IKZF3: variants seen among roughly 807,000 people sequenced by gnomAD.
IKZF3 encodes the protein IKAROS family zinc finger 3.
IKZF3 carries 10 observed loss-of-function variants against 49.0 expected under a neutral mutation model. The ratio of observed to expected loss-of-function variants is 0.20; its 90% CI spans 0.13 to 0.35. The LOEUF is 0.35. Among genes scored for constraint, IKZF3 ranks in the 10% least tolerant of loss-of-function variants. The pLI is 1.00. For synonymous variants in IKZF3, 209 were observed against 228.2 expected, an observed-to-expected ratio of 0.92 and a Z score of 0.76; for missense variants, 498 against 664.8, an observed-to-expected ratio of 0.75 and a Z score of 2.76.
chr17:39,816,938 T>C (rs1330667851), intron 3 of IKZF3, among the ~76,000 whole-genome samples: 1 of 152,214 alleles, frequency 6.6e-6, no homozygotes, highest in Non-Finnish European at 1.5e-5. Context: ...GGCCTTGAAC[T>C]CCTAACCTCA....
chr17:39,838,041 T>G (rs2062353650), intron 1 of IKZF3, among the ~76,000 whole-genome samples: 2 of 152,224 alleles, frequency 1.3e-5, no homozygotes, highest in Non-Finnish European at 2.9e-5. Context: ...AAGATTTTTC[T>G]CTTTACTTTT....
chr17:39,821,925 A>G (rs150888652), intron 3 of IKZF3, among the ~76,000 whole-genome samples: 7 of 152,308 alleles, frequency 4.6e-5, no homozygotes, highest in African/African-American at 1.7e-4. Flanking sequence ...TAGGGGCAGT[A>G]TCTTGGCTTT....
intron 7 of IKZF3, among the ~76,000 whole-genome samples, chr17:39,769,450 C>T (rs2060380669): frequency 6.6e-6 from 1 of 152,186 alleles, no homozygotes; most frequent in Non-Finnish European, 1.5e-5. Context: ...AACGAAAATA[C>T]CCTGTCTTGG....
intron 1 of IKZF3, among the ~76,000 whole-genome samples, chr17:39,850,124 T>C (rs537041552): frequency 2.1e-5 from 3 of 143,208 alleles, no homozygotes; most frequent in South Asian, 4.2e-4. Context: ...ATACTATATG[T>C]ATATATACTA....
At chr17:39,836,025 T>C (rs2062268693) in intron 1 of IKZF3, 1 of 640,750 alleles carries the variant, frequency 1.6e-6, no homozygotes. Context: ...TGTCTTCTGC[T>C]GCCGCAGGAG....
chr17:39,825,356 G>C (rs2061929128), intron 3 of IKZF3, among the ~76,000 whole-genome samples: 2 of 152,196 alleles, frequency 1.3e-5, no homozygotes, highest in South Asian at 4.1e-4. Flanking sequence ...TGGTTATTAT[G>C]TGCTATGCAA....
intron 7 of IKZF3, among the ~76,000 whole-genome samples, chr17:39,769,455 T>C (rs960671922): frequency 6.6e-6 from 1 of 152,192 alleles, no homozygotes; most frequent in Non-Finnish European, 1.5e-5. Flanking sequence ...AAATACCCTG[T>C]CTTGGAAACT....
chr17:39,792,736 C>T lies in IKZF3; in HGVS notation c.361G>A (p.Asp121Asn), dbSNP rs1321349840. The T allele has an allele frequency of 4.3e-6, 7 of 1,614,016 alleles. No homozygotes were observed. Among genetic ancestry groups the T allele is most frequent in the Non-Finnish European group, 5.9e-6 (7 of 1,179,988 alleles). ...SRPTSGKMNC[D>N]VCGLSCISFN... The stretch of plus-strand genomic sequence containing the variant: ...CTGATGCAGGATAATCCACACACAT[C>T]GCAGTTCATCTTTCCACTGGTTGGC... Residue 121 changes from aspartate to asparagine, a missense_variant, in exon 4 of 8, where the codon GAT becomes AAT. Physicochemically the swap from Asp to Asn is conservative, Grantham distance 23 (BLOSUM62 1). Coordinates refer to ENST00000346872, the MANE Select transcript of IKZF3 (RefSeq NM_012481.5).
At chr17:39,804,468 G>T (rs2061391824) in intron 3 of IKZF3, among the ~76,000 whole-genome samples, 2 of 151,320 alleles carry the variant, frequency 1.3e-5, no homozygotes, top group Admixed American at 1.3e-4. Flanking sequence ...AAAAGAAATT[G>T]AATGAATGAA....
At chr17:39,848,520 T>C (rs1335455613) in intron 1 of IKZF3, among the ~76,000 whole-genome samples, 1 of 152,224 alleles carries the variant, frequency 6.6e-6, no homozygotes, top group Non-Finnish European at 1.5e-5. Flanking sequence ...AGACTTGTTT[T>C]ATAACTGTAA....
chr17:39,788,265 C>T lies in IKZF3; in HGVS notation c.702G>A (p.Gly234=), dbSNP rs1270009752. ...CRTFLQSTDP[G]DTASAEARHI... is the part of the protein sequence containing the mutation. ...TGTGTTGCGTGAACTCACCAGTGTCCCCTGGGTCAGTGCTCTGAAGAAATG... is the reference window on the plus strand; with the variant it reads ...TGTGTTGCGTGAACTCACCAGTGTCTCCTGGGTCAGTGCTCTGAAGAAATG... Residue 234 remains glycine (G), a synonymous_variant, in exon 6 of 8, where the codon GGG becomes GGA. Transcript: ENST00000346872. The T allele has an allele frequency of 4.4e-6, 7 of 1,608,838 alleles. No individual in the cohort carries two copies. The East Asian group carries it at 1.3e-4, about 31-fold the overall frequency.
At chr17:39,854,673 C>A (rs2062986592) in intron 1 of IKZF3, among the ~76,000 whole-genome samples, 1 of 152,126 alleles carries the variant, frequency 6.6e-6, no homozygotes, top group Admixed American at 6.6e-5. Flanking sequence ...TTTCAGTTGG[C>A]ATGATTGTGG....
chr17:39,779,664 T>TC (rs2060683673), intron 6 of IKZF3, among the ~76,000 whole-genome samples: 2 of 151,114 alleles, frequency 1.3e-5, no homozygotes, highest in Non-Finnish European at 3.0e-5. Flanking sequence ...TTTTTTTTTT[T>TC]TCTGTTCCAC....
intron 7 of IKZF3, among the ~76,000 whole-genome samples, chr17:39,770,296 A>G (rs1382616381): frequency 7.2e-5 from 11 of 152,230 alleles, no homozygotes; most frequent in Non-Finnish European, 5.9e-5. Flanking sequence ...ACGCCTTTGA[A>G]TGATTCATGA....
chr17:39,793,217 G>C (rs1412209595), intron 3 of IKZF3, among the ~76,000 whole-genome samples: 3 of 152,212 alleles, frequency 2.0e-5, no homozygotes, highest in African/African-American at 2.4e-5. Context: ...TTTGCTCAAA[G>C]TGGCCATGAA....
intron 7 of IKZF3, among the ~76,000 whole-genome samples, chr17:39,771,684 G>A (rs1017710803): frequency 6.6e-6 from 1 of 152,168 alleles, no homozygotes; most frequent in Non-Finnish European, 1.5e-5. Context: ...AGTGCAGAGG[G>A]AGGATGGAGC....
intron 3 of IKZF3, among the ~76,000 whole-genome samples, chr17:39,821,826 T>C (rs556448019): frequency 9.9e-5 from 15 of 152,168 alleles, no homozygotes; most frequent in Non-Finnish European, 2.1e-4. Context: ...CCAGGGGGTA[T>C]AGTGTGAAAG....
At position 39,760,691 on chromosome 17, in the gene IKZF3, G is replaced by A. The variant is rs1046885716; in HGVS notation, c.*5099C>T. 2.6e-5 allele frequency: 4 copies of A among 152,214 alleles called. No homozygotes were observed. Among genetic ancestry groups the A allele is most frequent in the African/African-American group, 9.6e-5 (4 of 41,454 alleles). 9.4% of individuals were successfully genotyped at this position (152,214 alleles called of 1,614,324 possible). On this transcript the variant is annotated 3_prime_UTR_variant, in exon 8 of 8. Coordinates refer to ENST00000346872, the MANE Select transcript of IKZF3 (RefSeq NM_012481.5). The stretch of plus-strand genomic sequence containing the variant: ...GAGGTGGGGGTGGTACAGGAAATAG[G>A]AGAATAATAGTGATACAGATGCTAC...
intron 3 of IKZF3, among the ~76,000 whole-genome samples, chr17:39,811,393 AGGAC>A (rs1568008395): frequency 7.4e-6 from 1 of 134,974 alleles, no homozygotes; most frequent in Admixed American, 7.1e-5. Flanking sequence ...GAAGGAAGAA[AGGAC>A]GGAAGGAAGA....
Sources: allele counts gnomAD v4.1 joint callset (sites outside exome capture counted in the v4.1 genomes callset), GRCh38; gene constraint gnomAD v4.1.1; transcripts MANE v1.5; gene names NCBI Gene and HGNC (gene_info 2026-07-23, HGNC 2026-07-21).